Variants in SMAD3 observed in about 807,000 individuals in gnomAD.
SMAD3 encodes SMAD family member 3, also known as MAD homolog 3.
A neutral mutation model predicts 51.8 loss-of-function variants in SMAD3; 12 were observed. That is an observed-to-expected ratio of 0.23 (90% CI 0.15 to 0.38). The LOEUF (loss-of-function observed/expected upper bound fraction) is 0.38. Among genes scored for constraint, SMAD3 ranks in the 10% least tolerant of loss-of-function variants. SMAD3 has a pLI of 1.00. For missense variants in SMAD3, 294 were observed against 565.6 expected, an observed-to-expected ratio of 0.52 and a Z score of 4.87; for synonymous variants, 238 against 227.7, an observed-to-expected ratio of 1.05 and a Z score of -0.41.
At chr15:67,144,221 C>T (rs1378366247) in intron 1 of SMAD3, among the ~76,000 whole-genome samples, 2 of 151,968 alleles carry the variant, frequency 1.3e-5, no homozygotes, top group Admixed American at 1.3e-4. Flanking sequence ...TTTGCATTTC[C>T]TAAAATTTTA....
intron 1 of SMAD3, among the ~76,000 whole-genome samples, chr15:67,158,658 G>A (rs535952945): frequency 1.3e-5 from 2 of 152,204 alleles, no homozygotes; most frequent in African/African-American, 4.8e-5. Flanking sequence ...CCAAGGTATG[G>A]GTGTATGGTG....
intron 1 of SMAD3, among the ~76,000 whole-genome samples, chr15:67,067,036 G>A (rs996252024): frequency 1.1e-4 from 17 of 152,202 alleles, no homozygotes; most frequent in Non-Finnish European, 2.4e-4. Flanking sequence ...AGAGACAAGT[G>A]GCGGAAAATA....
intron 4 of SMAD3, among the ~76,000 whole-genome samples, chr15:67,168,785 G>A (rs920929420): frequency 1.3e-5 from 2 of 152,194 alleles, no homozygotes; most frequent in East Asian, 1.9e-4. Context: ...CCAGACTTGC[G>A]GACCCCAGCC....
rs1468779374 is a variant in SMAD3 at position 67,184,798 on chromosome 15, G to A, written c.943G>A (p.Val315Ile). The change falls in exon 7 of 9, where the codon GTC becomes ATC. Residue 315 changes from valine to isoleucine, a missense_variant. Physicochemically the swap from Val to Ile is conservative, Grantham distance 29. Around this residue, in one of 3 missense-constraint regions of SMAD3, gnomAD observed 118 missense variants for 278.0 expected, o/e 0.42. Transcript: ENST00000327367. Reference protein sequence around the residue: ...AECLSDSAIFVQSPNCNQRYG... With the variant: ...AECLSDSAIFIQSPNCNQRYG... ...GTGCCTCAGTGACAGCGCTATTTTT[G>A]TCCAGTCTCCCAACTGTAACCAGCG... 1.9e-6 allele frequency: 3 copies of A among 1,613,848 alleles called. No homozygotes were observed. The highest frequency in any genetic ancestry group is 2.5e-6 in the Non-Finnish European group (3 of 1,180,042).
intron 1 of SMAD3, among the ~76,000 whole-genome samples, chr15:67,132,438 C>T (rs1047923557): frequency 4.6e-5 from 7 of 152,146 alleles, no homozygotes; most frequent in African/African-American, 1.4e-4. Flanking sequence ...CCAGAATGTG[C>T]AGCTTGTGCT....
intron 8 of SMAD3, among the ~76,000 whole-genome samples, chr15:67,190,003 C>T (rs994235358): frequency 6.6e-6 from 1 of 151,894 alleles, no homozygotes; most frequent in Non-Finnish European, 1.5e-5. Flanking sequence ...GCCCAGATTT[C>T]GAGATAGGGG....
intron 1 of SMAD3, among the ~76,000 whole-genome samples, chr15:67,150,746 A>G (rs1962108862): frequency 6.8e-6 from 1 of 146,266 alleles, no homozygotes; most frequent in Admixed American, 6.8e-5. Context: ...TTGCCGGCAG[A>G]TAAGACTTGA....
chr15:67,154,805 G>T (rs1167832314), intron 1 of SMAD3, among the ~76,000 whole-genome samples: 1 of 152,004 alleles, frequency 6.6e-6, no homozygotes, highest in Non-Finnish European at 1.5e-5. Flanking sequence ...CAACTGCTCA[G>T]TCCCTTTTTT....
chr15:67,147,171 G>A (rs57462811), intron 1 of SMAD3, among the ~76,000 whole-genome samples: 3,394 of 152,296 alleles, frequency 0.022, 128 homozygotes, highest in African/African-American at 0.078. Context: ...GGAAGAGAGA[G>A]AGAGAGCCAG....
intron 1 of SMAD3, among the ~76,000 whole-genome samples, chr15:67,126,689 C>T (rs995304378): frequency 7.2e-5 from 11 of 152,196 alleles, no homozygotes; most frequent in East Asian, 1.9e-4. Context: ...GGGCCCTGGA[C>T]GGTGGTTGGC....
Position 67,192,319 on chromosome 15 carries a change from G to A in SMAD3, c.*1783G>A, listed in dbSNP as rs890443089. On this transcript the variant is annotated 3_prime_UTR_variant, in exon 9 of 9. Transcript: ENST00000327367. ...GCCTCCTGAGGACACAGGAAGAGAC[G>A]GAAGGAGCACCTTGACAGACTTGTG... The A allele has an allele frequency of 8.6e-6, 2 of 232,926 alleles. No homozygotes were observed. The highest frequency in any genetic ancestry group is 4.4e-5 in the African/African-American group (2 of 45,298). The allele number at this position is 232,926 out of a possible 1,614,324, so 14.4% of individuals were successfully genotyped here.
chr15:67,154,156 G>C (rs142083314), intron 1 of SMAD3, among the ~76,000 whole-genome samples: 1 of 152,322 alleles, frequency 6.6e-6, no homozygotes, highest in African/African-American at 2.4e-5. Flanking sequence ...GAGGGAAAGA[G>C]AGGACTAAAT....
chr15:67,066,169 G>A lies in SMAD3; in HGVS notation c.15G>A (p.Leu5=), dbSNP rs776987925. 1.2e-6 allele frequency: 2 copies of A among 1,603,198 alleles called. No individual in the cohort carries two copies. Among genetic ancestry groups the A allele is most frequent in the Admixed American group, 3.4e-5 (2 of 58,854 alleles). The part of the protein sequence containing the change: MSSI[L]PFTPPIVKRL... ...CCTCCCCAGCCATGTCGTCCATCCTGCCTTTCACTCCCCCGATCGTGAAGC... is the reference window on the plus strand; with the variant it reads ...CCTCCCCAGCCATGTCGTCCATCCTACCTTTCACTCCCCCGATCGTGAAGC... The change falls in exon 1 of 9, where the codon CTG becomes CTA. Residue 5 remains leucine (L), a synonymous_variant. Transcript: ENST00000327367.
intron 1 of SMAD3, among the ~76,000 whole-genome samples, chr15:67,160,595 C>T (rs919453960): frequency 1.3e-5 from 2 of 151,826 alleles, no homozygotes; most frequent in Non-Finnish European, 2.9e-5. Flanking sequence ...ACACATGAAA[C>T]CCCGTCTCTA....
intron 1 of SMAD3, among the ~76,000 whole-genome samples, chr15:67,077,113 T>A (rs1960186540): frequency 2.0e-5 from 3 of 152,170 alleles, no homozygotes; most frequent in Non-Finnish European, 2.9e-5. Context: ...CAAGGCAGGA[T>A]GATAGAACGC....
intron 1 of SMAD3, among the ~76,000 whole-genome samples, chr15:67,129,268 GT>G (rs1276939321): frequency 6.6e-6 from 1 of 152,138 alleles, no homozygotes; most frequent in African/African-American, 2.4e-5. Flanking sequence ...AGTAACTCAG[GT>G]TTGTTTAGCC....
intron 1 of SMAD3, chr15:67,099,150 T>C: frequency 1.6e-6 from 1 of 639,776 alleles, no homozygotes; most frequent in East Asian, 2.7e-5. Flanking sequence ...AAGTAGCCGC[T>C]CTTGTTCACA....
intron 1 of SMAD3, among the ~76,000 whole-genome samples, chr15:67,073,768 A>G (rs1021506597): frequency 7.2e-5 from 11 of 152,328 alleles, no homozygotes; most frequent in African/African-American, 2.6e-4. Context: ...TCCGCTTCCC[A>G]GGTTCAAGTG....
chr15:67,170,414 G>GGAC, intron 4 of SMAD3, 140 bp from the exon 5 acceptor site: 1 of 734,906 alleles, frequency 1.4e-6, no homozygotes. Context: ...TATGGGCTAG[G>GGAC]CCTTCTCCTG....
Sources: allele counts gnomAD v4.1 joint callset (sites outside exome capture counted in the v4.1 genomes callset), GRCh38; gene constraint gnomAD v4.1.1; regional missense constraint gnomAD v4.1.1; transcripts MANE v1.5; gene names NCBI Gene and HGNC (gene_info 2026-07-23, HGNC 2026-07-21).